The following LACTB variants were observed in gnomAD, a reference collection of about 807,000 sequenced individuals.
The protein encoded by LACTB is serine beta-lactamase-like protein LACTB, mitochondrial.
Under a neutral mutation model 50.2 loss-of-function variants are expected in LACTB, and 35 were observed. That is an observed-to-expected ratio of 0.70 (90% CI 0.53 to 0.92). The LOEUF is 0.92. LACTB is among the 40% of genes least tolerant of loss of function. LACTB has a pLI of 0.00. For synonymous variants in LACTB, 252 were observed against 268.2 expected (o/e 0.94, Z 0.59); for missense variants, 664 against 691.8 (o/e 0.96, Z 0.45).
At chr15:63,123,226 A>G (rs1260713789) in intron 2 of LACTB, among the ~76,000 whole-genome samples, 1 of 152,098 alleles carries the variant, frequency 6.6e-6, no homozygotes, top group Admixed American at 6.5e-5. Flanking sequence ...CGGACCATGG[A>G]TAACTGAAAC....
At chr15:63,129,779 C>A (rs1309411659) in intron 5 of LACTB, 129 bp downstream of exon 5, 23 of 1,261,546 alleles carry the variant, frequency 1.8e-5, no homozygotes, top group Non-Finnish European at 2.2e-5. Flanking sequence ...TTCTACATGT[C>A]TGTTTTCTCA....
At chr15:63,123,994 A>G (rs2729820) in intron 2 of LACTB, among the ~76,000 whole-genome samples, 114,588 of 151,816 alleles carry the variant, frequency 0.75, 43,556 homozygotes, top group East Asian at 1. Flanking sequence ...ACTCCCCCGG[A>G]GAAAAGGAGA....
rs148645129 is a variant in LACTB, at chr15:63,141,697, T to G, written c.1536T>G (p.Val512=). 7.4e-6 allele frequency: 12 copies of G among 1,613,988 alleles called. No homozygotes were observed. Among genetic ancestry groups the G allele is most frequent in the Non-Finnish European group, 1.0e-5 (12 of 1,179,994 alleles). The change falls in exon 6 of 6, where the codon GTT becomes GTG. Residue 512 remains valine, a synonymous_variant. Coordinates refer to ENST00000261893, the MANE Select transcript of LACTB (RefSeq NM_032857.5). The part of the protein sequence containing the change: ...ELDTETINNK[V]PPRGIIVSII... ...ATACAGAGACTATAAATAACAAGGT[T>G]CCCCCAAGAGGAATCATTGTTTCTA... is the stretch of plus-strand genomic sequence containing the variant.
At chr15:63,141,090 T>C (rs568270747) in intron 5 of LACTB, 190 bp from the exon 6 acceptor site, 1 of 983,376 alleles carries the variant, frequency 1.0e-6, no homozygotes, top group Admixed American at 6.1e-5. Context: ...GTAATTAGAC[T>C]ATCTTACTTA....
In LACTB at chr15:63,129,335, T is replaced by C. The variant is rs1039396296; in HGVS notation, c.953-150T>C. On this transcript the variant is annotated intron_variant, in intron 4 of 5. Coordinates refer to ENST00000261893, the MANE Select transcript of LACTB (RefSeq NM_032857.5). ...ACAGTTGCAAAGTTAACTCAATTTG[T>C]TGATGTATTGCCTGTGTTCTTTTTC... 8.6e-6 allele frequency: 5 copies of C among 582,484 alleles called. No individual in the cohort carries two copies. In the African/African-American group the frequency reaches 9.6e-5, roughly 11 times the overall value. 36.1% of individuals were successfully genotyped at this position (582,484 alleles called of 1,614,324 possible).
intron 5 of LACTB, among the ~76,000 whole-genome samples, chr15:63,136,990 T>G (rs1178261088): frequency 2.0e-5 from 3 of 152,212 alleles, no homozygotes; most frequent in Non-Finnish European, 4.4e-5. Flanking sequence ...GTCACCTGTT[T>G]AAAAGTATCT....
rs1330933766 is a variant in LACTB, at chr15:63,122,130, T to C, written c.259T>C (p.Ser87Pro). ...TCTGGCCGAGCCGCCACAGGAGCAG[T>C]CCCTCGCCCCGTGGTCTCCGCAGAC... ...SPLAEPPQEQ[S>P]LAPWSPQTPA... The change falls in exon 1 of 6, where the codon TCC becomes CCC. Residue 87 changes from serine to proline, a missense_variant. Transcript: ENST00000261893. 2 of 1,494,758 alleles carry C rather than the reference T, an allele frequency of 1.3e-6. No homozygotes were observed. The highest frequency in any genetic ancestry group is 1.2e-5 in the South Asian group (1 of 80,986). 92.6% of individuals were successfully genotyped at this position (1,494,758 alleles called of 1,614,324 possible). A position where few individuals can be genotyped will look rare whatever the true frequency, so the allele number is the denominator to read the frequency against.
chr15:63,134,812 ATGTGTGTG>A (rs59941185), intron 5 of LACTB, among the ~76,000 whole-genome samples: 1 of 148,508 alleles, frequency 6.7e-6, no homozygotes, highest in Admixed American at 6.8e-5. Flanking sequence ...TGTGTGTGTG[ATGTGTGTG>A]TGTGTGTGTG....
intron 2 of LACTB, among the ~76,000 whole-genome samples, chr15:63,124,060 C>T (rs1003868759): frequency 2.6e-5 from 4 of 152,076 alleles, no homozygotes; most frequent in African/African-American, 7.2e-5. Context: ...TCTTCGCTAC[C>T]GCTAGACCAC....
intron 2 of LACTB, among the ~76,000 whole-genome samples, chr15:63,123,982 A>G (rs908386750): frequency 1.3e-5 from 2 of 152,142 alleles, no homozygotes; most frequent in African/African-American, 2.4e-5. Context: ...AGTCTTCTCT[A>G]AACTCCCCCG....
intron 1 of LACTB, 33 bp downstream of exon 1, chr15:63,122,261 C>A: frequency 6.7e-7 from 1 of 1,493,816 alleles, no homozygotes; most frequent in South Asian, 1.3e-5. Context: ...CGTAGGGGGC[C>A]GGGGATCCAC....
intron 4 of LACTB, among the ~76,000 whole-genome samples, 180 bp downstream of exon 4, chr15:63,127,869 T>G (rs1339302419): frequency 1.3e-5 from 2 of 152,202 alleles, no homozygotes; most frequent in African/African-American, 2.4e-5. Context: ...GGCAGCTTGT[T>G]TAAATTTTGC....
Position 63,141,370 on chromosome 15 carries a change from A to G in LACTB, c.1209A>G (p.Thr403=). 3 of 1,614,208 alleles carry G rather than the reference A, an allele frequency of 1.9e-6. No homozygotes were observed. The highest frequency in any genetic ancestry group is 2.5e-6 in the Non-Finnish European group (3 of 1,180,030). ...YKWAGGGFLS[T]VGDLLKFGNA... ...GGGCTGGTGGTGGATTTCTGTCTAC[A>G]GTGGGTGACCTTCTGAAATTTGGGA... is the stretch of plus-strand genomic sequence containing the variant. Residue 403 remains threonine (T), a synonymous_variant, in exon 6 of 6, where the codon ACA becomes ACG. Transcript: ENST00000261893.
At chr15:63,139,609 C>T (rs927122157) in intron 5 of LACTB, among the ~76,000 whole-genome samples, 7 of 151,120 alleles carry the variant, frequency 4.6e-5, no homozygotes, top group Non-Finnish European at 8.8e-5. Flanking sequence ...GCCAAGATCG[C>T]GCCATTGCAC....
At chr15:63,139,391 G>A (rs1009800446) in intron 5 of LACTB, among the ~76,000 whole-genome samples, 1 of 151,796 alleles carries the variant, frequency 6.6e-6, no homozygotes, top group Admixed American at 6.6e-5. Flanking sequence ...GGTGGCTCAT[G>A]CCTATAATCC....
At chr15:63,129,412 G>T in intron 4 of LACTB, 73 bp from the exon 5 acceptor site, 1 of 1,296,588 alleles carries the variant, frequency 7.7e-7, no homozygotes, top group South Asian at 1.9e-5. Context: ...ATTTTCAGTG[G>T]GAATATATTT....
intron 5 of LACTB, chr15:63,130,653 T>C (rs1436539194): frequency 6.6e-6 from 1 of 152,216 alleles, no homozygotes; most frequent in East Asian, 1.9e-4. Context: ...AACTTTTTTT[T>C]CTGGTCTAGG....
In LACTB at chr15:63,141,408, A is replaced by C. The variant is rs1482304544; in HGVS notation, c.1247A>C (p.Tyr416Ser). ...CTGAAATTTGGGAATGCAATGCTTTATGGTTACCAAGTTGGGCTGTTTAAG... is the reference window on the plus strand; with the variant it reads ...CTGAAATTTGGGAATGCAATGCTTTCTGGTTACCAAGTTGGGCTGTTTAAG... ...DLLKFGNAML[Y>S]GYQVGLFKNS... The change falls in exon 6 of 6, where the codon TAT becomes TCT. Residue 416 changes from tyrosine to serine, a missense_variant. Tyr to Ser is a moderately radical substitution (Grantham distance 144). Coordinates refer to ENST00000261893, the MANE Select transcript of LACTB (RefSeq NM_032857.5). 2 of 1,614,222 alleles carry C rather than the reference A, an allele frequency of 1.2e-6. No individual in the cohort carries two copies. Among genetic ancestry groups the C allele is most frequent in the Non-Finnish European group, 1.7e-6 (2 of 1,180,042 alleles).
chr15:63,141,608 G>A lies in LACTB; in HGVS notation c.1447G>A (p.Ala483Thr), dbSNP rs565191477. 7.4e-6 allele frequency: 12 copies of A among 1,614,222 alleles called. No homozygotes were observed. In the African/African-American group the frequency reaches 1.5e-4, roughly 20 times the overall value. Reference protein sequence around the residue: ...YGSCRKQRHYASHTGGAVGAS... With the variant: ...YGSCRKQRHYTSHTGGAVGAS... ...TTCGTGTAGAAAGCAACGGCATTAT[G>A]CTTCACATACTGGAGGGGCAGTGGG... Residue 483 changes from alanine to threonine, a missense_variant, in exon 6 of 6, where the codon GCT becomes ACT. Physicochemically the swap from Ala to Thr is moderately conservative, Grantham distance 58 (BLOSUM62 0). Coordinates refer to ENST00000261893, the MANE Select transcript of LACTB (RefSeq NM_032857.5).
Sources: gnomAD v4.1 joint callset for allele counts (sites outside exome capture counted in the v4.1 genomes callset) on GRCh38, gnomAD v4.1.1 for gene constraint, MANE v1.5 for transcripts, NCBI Gene and HGNC (gene_info 2026-07-23, HGNC 2026-07-21) for gene names.